The following NSG2 variants were observed in gnomAD, a reference collection of about 807,000 sequenced individuals.
NSG2 encodes neuronal vesicle trafficking-associated protein 2.
NSG2 carries 4 observed loss-of-function variants against 16.9 expected under a neutral mutation model. The observed-to-expected ratio is 0.24, with a 90% CI of 0.12 to 0.54. NSG2 has a LOEUF of 0.54. Among genes scored for constraint, NSG2 ranks in the 20% least tolerant of loss-of-function variants. NSG2 has a pLI of 0.95. For missense variants in NSG2, 179 were observed against 221.1 expected, an observed-to-expected ratio of 0.81 and a Z score of 1.21; for synonymous variants, 98 against 88.7, an observed-to-expected ratio of 1.11 and a Z score of -0.59.
chr5:174,070,323 T>G lies in NSG2; in HGVS notation c.213+6008T>G, dbSNP rs533421075. ...AGTAGGTACTTTTATTATCCCCATT[T>G]TACAGGTGAGGAAACTAATGCTTAG... is the stretch of plus-strand genomic sequence containing the variant. On this transcript the variant is annotated intron_variant, in intron 3 of 4. Transcript: ENST00000303177. 7.2e-5 allele frequency among the ~76,000 whole-genome samples: 11 copies of G among 152,330 alleles called. No homozygotes were observed. The East Asian group carries it at 9.6e-4, about 13-fold the overall frequency.
At chr5:174,069,189 T>C (rs1760195012) in intron 3 of NSG2, among the ~76,000 whole-genome samples, 2 of 151,862 alleles carry the variant, frequency 1.3e-5, no homozygotes, top group Admixed American at 6.6e-5. Context: ...ATCATGGTGA[T>C]CCTGGTGCTA....
intron 3 of NSG2, among the ~76,000 whole-genome samples, chr5:174,074,297 C>G (rs1760297581): frequency 6.6e-6 from 1 of 152,144 alleles, no homozygotes; most frequent in Non-Finnish European, 1.5e-5. Context: ...CACAGTTGTT[C>G]CACTGTGGCT....
chr5:174,090,094 CA>C (rs1760698344), intron 3 of NSG2, among the ~76,000 whole-genome samples: 1 of 152,172 alleles, frequency 6.6e-6, no homozygotes, highest in South Asian at 2.1e-4. Flanking sequence ...ACATTGGGCA[CA>C]GGGGCAGCTG....
chr5:174,048,613 A>G (rs78332810), intron 2 of NSG2, among the ~76,000 whole-genome samples: 2,596 of 152,302 alleles, frequency 0.017, 28 homozygotes, highest in South Asian at 0.025. Flanking sequence ...GTCTTTAAGA[A>G]GTGTGAAAAG....
Position 174,072,987 on chromosome 5 carries a change from T to G in NSG2, c.213+8672T>G, listed in dbSNP as rs187272516. Among the ~76,000 whole-genome samples, 237 of 142,552 alleles carry G rather than the reference T, an allele frequency of 1.7e-3. 3 individuals are homozygous for G. The East Asian group carries it at 0.032, about 19-fold the overall frequency. The allele number at this position is 142,552 out of a possible 152,430, so 93.5% of individuals were successfully genotyped here. ...TAACAGAGTGAGATCCTGTCTCAAATGAATGAATGAATGAATGAATGCATA... is the reference window on the plus strand; with the variant it reads ...TAACAGAGTGAGATCCTGTCTCAAAGGAATGAATGAATGAATGAATGCATA... On this transcript the variant is annotated intron_variant, in intron 3 of 4. Coordinates refer to ENST00000303177, the MANE Select transcript of NSG2 (RefSeq NM_015980.5). This position sits in a 1 kb window ranked among gnomAD's most constrained non-coding sequence, Gnocchi z 4.0.
At chr5:174,067,160 G>A (rs912825961) in intron 3 of NSG2, among the ~76,000 whole-genome samples, 1 of 152,144 alleles carries the variant, frequency 6.6e-6, no homozygotes, top group African/African-American at 2.4e-5. Flanking sequence ...TTAAAATGCT[G>A]TCTATGGCTG....
intron 2 of NSG2, among the ~76,000 whole-genome samples, chr5:174,047,793 G>T (rs1161572849): frequency 6.6e-6 from 1 of 152,214 alleles, no homozygotes; most frequent in Non-Finnish European, 1.5e-5. Context: ...TATCATTTCA[G>T]GTCCACCTGA....
At chr5:174,080,512 CCTCTT>C (rs1760433144) in intron 3 of NSG2, among the ~76,000 whole-genome samples, 1 of 93,566 alleles carries the variant, frequency 1.1e-5, no homozygotes, top group African/African-American at 4.4e-5. Context: ...TCTTTCTTTC[CCTCTT>C]TCTTTCTTTC....
chr5:174,045,930 G>T (rs768132849), intron 1 of NSG2, 87 bp downstream of exon 1: 1 of 152,244 alleles, frequency 6.6e-6, no homozygotes, highest in Admixed American at 6.5e-5. Flanking sequence ...TTGTCTAAAC[G>T]TTCCATCAGC....
chr5:174,098,596 C>T (rs1396303390), intron 3 of NSG2, among the ~76,000 whole-genome samples: 1 of 152,152 alleles, frequency 6.6e-6, no homozygotes, highest in Non-Finnish European at 1.5e-5. Context: ...AGGACCACCC[C>T]GTCAAAGGGC....
At chr5:174,069,858 T>G (rs1760204426) in intron 3 of NSG2, among the ~76,000 whole-genome samples, 2 of 150,732 alleles carry the variant, frequency 1.3e-5, no homozygotes, top group South Asian at 4.2e-4. Context: ...TGTTTGCTTG[T>G]TGGTAAAGGT....
chr5:174,095,115 A>C (rs1016758862), intron 3 of NSG2, among the ~76,000 whole-genome samples: 4 of 152,176 alleles, frequency 2.6e-5, no homozygotes, highest in African/African-American at 9.7e-5. Context: ...GGCTGAAAAG[A>C]TATGCAAGAG....
chr5:174,083,811 G>T (rs1324269051), intron 3 of NSG2, among the ~76,000 whole-genome samples: 1 of 152,168 alleles, frequency 6.6e-6, no homozygotes, highest in Non-Finnish European at 1.5e-5. Flanking sequence ...CACAGTGACT[G>T]CTGCATTTGT....
At chr5:174,106,908 G>A (rs761850509) in intron 4 of NSG2, among the ~76,000 whole-genome samples, 28 of 152,070 alleles carry the variant, frequency 1.8e-4, no homozygotes, top group Non-Finnish European at 3.7e-4. Flanking sequence ...TTTGATATAA[G>A]AGAAAAGAGA....
chr5:174,052,571 C>A (rs1394677534), intron 2 of NSG2, among the ~76,000 whole-genome samples: 5 of 152,184 alleles, frequency 3.3e-5, no homozygotes, highest in Admixed American at 3.3e-4. Context: ...GCCATGGGAG[C>A]AAGCTCCTGA....
In NSG2 at chr5:174,072,192, T is replaced by G. The variant is rs1476874443; in HGVS notation, c.213+7877T>G. 6.6e-6 allele frequency among the ~76,000 whole-genome samples: 1 copy of G among 152,188 alleles called. No homozygotes were observed. The highest frequency in any genetic ancestry group is 1.5e-5 in the Non-Finnish European group (1 of 68,024). Reference sequence around the variant, plus strand: ...TCACCACCTGTCCCAGCCCTCTCCCTGATCCCTGGCCCCTTTCCTCAGCAG... The same window carrying G: ...TCACCACCTGTCCCAGCCCTCTCCCGGATCCCTGGCCCCTTTCCTCAGCAG... On this transcript the variant is annotated intron_variant, in intron 3 of 4. Coordinates refer to ENST00000303177, the MANE Select transcript of NSG2 (RefSeq NM_015980.5). This position sits in a 1 kb window ranked among gnomAD's most constrained non-coding sequence, Gnocchi z 4.0.
intron 3 of NSG2, chr5:174,091,059 T>TTC (rs1554102125): frequency 4.8e-5 from 7 of 145,074 alleles, no homozygotes; most frequent in African/African-American, 1.8e-4. Flanking sequence ...TTTTTTTTTT[T>TTC]CCATCAACTT....
intron 1 of NSG2, 98 bp downstream of exon 1, chr5:174,045,941 A>T (rs1759788714): frequency 6.6e-6 from 1 of 152,350 alleles, no homozygotes. Context: ...TTCCATCAGC[A>T]GGATTGAGAG....
chr5:174,076,192 C>T (rs1760339068), intron 3 of NSG2, among the ~76,000 whole-genome samples: 2 of 152,184 alleles, frequency 1.3e-5, no homozygotes, highest in South Asian at 4.1e-4. Flanking sequence ...GATGATGGTG[C>T]TTGGGATGTG....
Sources: allele counts gnomAD v4.1 joint callset (sites outside exome capture counted in the v4.1 genomes callset), GRCh38; gene constraint gnomAD v4.1.1; non-coding constraint Gnocchi (gnomAD v3.1); transcripts MANE v1.5; gene names NCBI Gene and HGNC (gene_info 2026-07-23, HGNC 2026-07-21).